Variants in NKAPD1 observed in about 807,000 individuals in gnomAD.
NKAPD1 encodes the protein NKAP domain containing 1, also known as uncharacterized protein NKAPD1.
NKAPD1 carries 12 observed loss-of-function variants against 30.9 expected under a neutral mutation model. The observed-to-expected ratio is 0.39, with a 90% confidence interval of 0.25 to 0.63. The LOEUF (loss-of-function observed/expected upper bound fraction) is 0.63. NKAPD1 is among the 20% of genes least tolerant of loss of function. The probability of loss-of-function intolerance (pLI) is 0.51; values close to 1 mark genes in which losing one functional copy is unlikely to be tolerated. For missense variants in NKAPD1, 311 were observed against 344.5 expected (o/e 0.90, Z 0.77); for synonymous variants, 91 against 113.6 (o/e 0.80, Z 1.26).
In NKAPD1 at chr11:112,080,505, G is replaced by A; in HGVS notation, c.267G>A (p.Lys89=). Residue 89 remains lysine (K), a synonymous_variant, in exon 4 of 6, where the codon AAG becomes AAA. Coordinates refer to ENST00000393047, the MANE Select transcript of NKAPD1 (RefSeq NM_018195.4). ...ISGTLEDDFL[K]AKSWNKKFYD... is the part of the protein sequence containing the mutation. ...GGACACTGGAAGATGATTTTCTTAA[G>A]GCTAAATCCTGGAATAAAAAGTTCT... The A allele has an allele frequency of 6.2e-7, 1 of 1,614,000 alleles. No homozygotes were observed. The highest frequency in any genetic ancestry group is 8.5e-7 in the Non-Finnish European group (1 of 1,180,014).
chr11:112,082,647 G>T lies in NKAPD1; in HGVS notation c.557G>T (p.Ser186Ile). The T allele has an allele frequency of 1.2e-6, 2 of 1,613,964 alleles. No homozygotes were observed. Residue 186 changes from serine (S) to isoleucine (I), a missense_variant, in exon 6 of 6, where the codon AGT becomes ATT. Coordinates refer to ENST00000393047, the MANE Select transcript of NKAPD1 (RefSeq NM_018195.4). ...EATDITADSSSEFSEETGASG... is the reference protein window; with the variant it reads ...EATDITADSSIEFSEETGASG... Reference sequence around the variant, plus strand: ...ACAGATATAACAGCAGATTCCTCGAGTGAGTTCTCAGAAGAAACTGGGGCT... The same window carrying T: ...ACAGATATAACAGCAGATTCCTCGATTGAGTTCTCAGAAGAAACTGGGGCT...
At position 112,074,350 on chromosome 11, in the gene NKAPD1, C is replaced by T. The variant is rs1312978398; in HGVS notation, c.-575C>T. The T allele has an allele frequency of 5.0e-6, 2 of 399,236 alleles. No individual in the cohort carries two copies. Among genetic ancestry groups the T allele is most frequent in the Non-Finnish European group, 4.4e-6 (1 of 226,238 alleles). The allele number at this position is 399,236 out of a possible 1,614,324, so 24.7% of individuals were successfully genotyped here. A position where few individuals can be genotyped will look rare whatever the true frequency, so the allele number is the denominator to read the frequency against. ...CCCTACCCCCCGCCACGCGAGGCTG[C>T]GGCGCACGGTATGGGTGTGTTTGTG... On this transcript the variant is annotated 5_prime_UTR_variant, in exon 1 of 6. Transcript: ENST00000393047.
At chr11:112,077,967 T>C (rs1158661561) in intron 2 of NKAPD1, among the ~76,000 whole-genome samples, 1 of 151,808 alleles carries the variant, frequency 6.6e-6, no homozygotes, top group Non-Finnish European at 1.5e-5. Flanking sequence ...TGCCTCAGCC[T>C]CCTGAGTAGC....
intron 4 of NKAPD1, chr11:112,081,630 CAA>C (rs59827110): frequency 1.7e-3 from 266 of 159,404 alleles, no homozygotes; most frequent in South Asian, 5.0e-3. Context: ...GACTCCATCT[CAA>C]AAAAAAAAAA....
rs562578358 is a variant in NKAPD1, at chr11:112,076,488, A to G, written c.69+845A>G. 9.2e-5 allele frequency among the ~76,000 whole-genome samples: 14 copies of G among 152,340 alleles called. No individual in the cohort carries two copies. The East Asian group carries it at 2.5e-3, about 27-fold the overall frequency. On this transcript the variant is annotated intron_variant, in intron 2 of 5. Coordinates refer to ENST00000393047, the MANE Select transcript of NKAPD1 (RefSeq NM_018195.4). ...GGGGCTAGGGGCATCAACCCCCTGC[A>G]TAGTCGAAAATCCATGTATAACTTT...
At chr11:112,079,985 T>C (rs575707147) in intron 3 of NKAPD1, among the ~76,000 whole-genome samples, 58 of 152,194 alleles carry the variant, frequency 3.8e-4, no homozygotes, top group African/African-American at 1.4e-3. Context: ...ACTACTTTTT[T>C]TGTATTTTTA....
At chr11:112,080,810 G>C in intron 4 of NKAPD1, 1 of 425,650 alleles carries the variant, frequency 2.3e-6, no homozygotes, top group Non-Finnish European at 4.2e-6. Context: ...TTACAACGTG[G>C]CCTTGAAAAC....
At position 112,074,333 on chromosome 11, in the gene NKAPD1, C is replaced by T. The variant is rs369525741; in HGVS notation, c.-592C>T. On this transcript the variant is annotated 5_prime_UTR_variant, in exon 1 of 6. Transcript: ENST00000393047. ...CCAAACCACTTCTTCCCCCCTACCC[C>T]CCGCCACGCGAGGCTGCGGCGCACG... is the stretch of plus-strand genomic sequence containing the variant. The T allele has an allele frequency of 3.5e-5, 14 of 399,288 alleles. No individual in the cohort carries two copies. In the South Asian group the frequency reaches 1.4e-3, roughly 40 times the overall value. 24.7% of individuals were successfully genotyped at this position (399,288 alleles called of 1,614,324 possible).
At chr11:112,080,288 A>G (rs1259455106) in intron 3 of NKAPD1, 121 bp from the exon 4 acceptor site, 1 of 646,466 alleles carries the variant, frequency 1.5e-6, no homozygotes, top group Non-Finnish European at 2.3e-6. Flanking sequence ...TTTTTTTTTT[A>G]AACAGTATCA....
chr11:112,079,582 T>A lies in NKAPD1; in HGVS notation c.171-827T>A, dbSNP rs115824211. 7.3e-3 allele frequency among the ~76,000 whole-genome samples: 1,117 copies of A among 152,306 alleles called. 23 individuals are homozygous for A. The highest frequency in any genetic ancestry group is 0.026 in the African/African-American group (1,071 of 41,552). On this transcript the variant is annotated intron_variant, in intron 3 of 5. Coordinates refer to ENST00000393047, the MANE Select transcript of NKAPD1 (RefSeq NM_018195.4). The stretch of plus-strand genomic sequence containing the variant: ...GGGTTAGACCTTGTTCCCACTGTTA[T>A]TGGGACCTCTCTATAGTAAGTTGCT...
At position 112,084,879 on chromosome 11, in the gene NKAPD1, C is replaced by G. The variant is rs1566684151; in HGVS notation, c.*1907C>G. ...AAGCTGTTTTTTGTTCTTCATCTTT[C>G]TTAACCCCAAATTTTCTTCTATGCC... On this transcript the variant is annotated 3_prime_UTR_variant, in exon 6 of 6. Coordinates refer to ENST00000393047, the MANE Select transcript of NKAPD1 (RefSeq NM_018195.4). The G allele has an allele frequency of 8.7e-6, 1 of 115,064 alleles. No homozygotes were observed. The highest frequency in any genetic ancestry group is 1.0e-4 in the Admixed American group (1 of 9,960). 7.1% of individuals were successfully genotyped at this position (115,064 alleles called of 1,614,324 possible). A position where few individuals can be genotyped will look rare whatever the true frequency, so the allele number is the denominator to read the frequency against.
chr11:112,082,054 C>G lies in NKAPD1; in HGVS notation c.374+19C>G. The stretch of plus-strand genomic sequence containing the variant: ...CAGACAGGTAAGGAAAATAGGCTTA[C>G]TGAAAGAAACTAAGATGGTACAAAA... On this transcript the variant is annotated intron_variant, in intron 5 of 5. Coordinates refer to ENST00000393047, the MANE Select transcript of NKAPD1 (RefSeq NM_018195.4). 6.3e-7 allele frequency: 1 copy of G among 1,576,596 alleles called. No homozygotes were observed.
intron 3 of NKAPD1, among the ~76,000 whole-genome samples, chr11:112,079,141 A>G (rs11605765): frequency 1.4e-4 from 16 of 115,950 alleles, no homozygotes; most frequent in Non-Finnish European, 5.0e-5. Flanking sequence ...GGCCCTTACA[A>G]TTTTTTTTTT....
At chr11:112,077,168 A>T (rs552666801) in intron 2 of NKAPD1, among the ~76,000 whole-genome samples, 2 of 152,372 alleles carry the variant, frequency 1.3e-5, no homozygotes, top group South Asian at 4.1e-4. Flanking sequence ...CCTGATTTTT[A>T]AAATTATGGG....
intron 3 of NKAPD1, among the ~76,000 whole-genome samples, chr11:112,079,908 G>A (rs1394648778): frequency 6.6e-6 from 1 of 151,964 alleles, no homozygotes; most frequent in African/African-American, 2.4e-5. Context: ...GCCTCCCCGG[G>A]TTCAGGCAAT....
Position 112,082,551 on chromosome 11 carries a change from C to T in NKAPD1, c.461C>T (p.Ser154Leu), listed in dbSNP as rs1298164688. The T allele has an allele frequency of 8.1e-6, 13 of 1,609,404 alleles. No individual in the cohort carries two copies. The highest frequency in any genetic ancestry group is 1.1e-5 in the Non-Finnish European group (13 of 1,178,976). Residue 154 changes from serine (S) to leucine (L), a missense_variant, in exon 6 of 6, where the codon TCA becomes TTA. Physicochemically the swap from Ser to Leu is moderately radical, Grantham distance 145. Transcript: ENST00000393047. ...CATGAATCCCGCAAACACAAGAAGT[C>T]AAAGAAATCCCACAAAAAAAAGCAG... ...STHESRKHKK[S>L]KKSHKKKQKK...
rs1385368082 is a variant in NKAPD1 at position 112,084,291 on chromosome 11, T to C, written c.*1319T>C. ...AGCAGTAGATACAACTATGATGACATTCCATGAGTTGGTATTTTTAGTTCT... is the reference window on the plus strand; with the variant it reads ...AGCAGTAGATACAACTATGATGACACTCCATGAGTTGGTATTTTTAGTTCT... On this transcript the variant is annotated 3_prime_UTR_variant, in exon 6 of 6. Transcript: ENST00000393047. 4 of 152,638 alleles carry C rather than the reference T, an allele frequency of 2.6e-5. No individual in the cohort carries two copies. Among genetic ancestry groups the C allele is most frequent in the African/African-American group, 9.6e-5 (4 of 41,452 alleles). 9.5% of individuals were successfully genotyped at this position (152,638 alleles called of 1,614,324 possible). A position where few individuals can be genotyped will look rare whatever the true frequency, so the allele number is the denominator to read the frequency against.
In NKAPD1 at chr11:112,083,177, A is replaced by G. The variant is rs959827986; in HGVS notation, c.*205A>G. ...TTAAAAGGGAATCTGGTATTTTGTT[A>G]TGAAGGTTTCTTGAAGAGATTATTT... On this transcript the variant is annotated 3_prime_UTR_variant, in exon 6 of 6. Coordinates refer to ENST00000393047, the MANE Select transcript of NKAPD1 (RefSeq NM_018195.4). 4.1e-6 allele frequency: 2 copies of G among 486,164 alleles called. No individual in the cohort carries two copies. The highest frequency in any genetic ancestry group is 6.9e-6 in the Non-Finnish European group (2 of 289,838). 30.1% of individuals were successfully genotyped at this position (486,164 alleles called of 1,614,324 possible).
chr11:112,080,212 C>CA (rs1291078132), intron 3 of NKAPD1, among the ~76,000 whole-genome samples, 197 bp from the exon 4 acceptor site: 2 of 150,902 alleles, frequency 1.3e-5, no homozygotes, highest in Non-Finnish European at 2.9e-5. Flanking sequence ...TAGGCCTGGT[C>CA]AGATTTCTTC....
Sources: allele counts gnomAD v4.1 joint callset (sites outside exome capture counted in the v4.1 genomes callset), GRCh38; gene constraint gnomAD v4.1.1; transcripts MANE v1.5; gene names NCBI Gene and HGNC (gene_info 2026-07-23, HGNC 2026-07-21).